Variants in DCPH1 observed in about 807,000 individuals in gnomAD.
The protein encoded by DCPH1 is damage control phosphatase 1.
At chr6:151,458,715 T>C in the DCPH1 span, 2 of 626,002 alleles carry the variant, frequency 3.2e-6, no homozygotes, top group Non-Finnish European at 5.4e-6. Flanking sequence ...TGTTGGACAT[T>C]TCTACAAATG....
At chr6:151,463,892 C>G in the DCPH1 span, among the ~76,000 whole-genome samples, 4 of 152,108 alleles carry the variant, frequency 2.6e-5, no homozygotes, top group Admixed American at 2.0e-4. Flanking sequence ...CATATATCAC[C>G]TTTGGTTAAA....
chr6:151,458,348 G>A, the DCPH1 span: 1 of 1,611,964 alleles, frequency 6.2e-7, no homozygotes, highest in African/African-American at 1.3e-5. Context: ...AAGCTGAAAA[G>A]AAAGCTATCT....
At chr6:151,459,182 A>G in the DCPH1 span, among the ~76,000 whole-genome samples, 1 of 152,208 alleles carries the variant, frequency 6.6e-6, no homozygotes, top group Non-Finnish European at 1.5e-5. Flanking sequence ...GATTCCAACA[A>G]AGACTTCTAG....
the DCPH1 span, among the ~76,000 whole-genome samples, chr6:151,462,549 T>G: frequency 6.6e-6 from 1 of 152,278 alleles, no homozygotes; most frequent in African/African-American, 2.4e-5. Flanking sequence ...TTGCATTTTA[T>G]GAGCATATTA....
At chr6:151,463,276 GA>G in the DCPH1 span, among the ~76,000 whole-genome samples, 1 of 152,022 alleles carries the variant, frequency 6.6e-6, no homozygotes, top group African/African-American at 2.4e-5. Context: ...GAATTATTTG[GA>G]ACTTCTTTCA....
the DCPH1 span, among the ~76,000 whole-genome samples, chr6:151,453,340 G>A: frequency 2.0e-5 from 3 of 152,164 alleles, no homozygotes; most frequent in Non-Finnish European, 4.4e-5. Flanking sequence ...TAGGAAAACA[G>A]TAATACTTTC....
chr6:151,459,845 T>C, the DCPH1 span, among the ~76,000 whole-genome samples: 1 of 152,146 alleles, frequency 6.6e-6, no homozygotes, highest in Admixed American at 6.5e-5. Flanking sequence ...TTAATGGGGA[T>C]GATTGGATTA....
At chr6:151,457,809 GTCATTTTC>G in the DCPH1 span, among the ~76,000 whole-genome samples, 1 of 151,700 alleles carries the variant, frequency 6.6e-6, no homozygotes, top group Non-Finnish European at 1.5e-5. Flanking sequence ...AAGGTGTGAA[GTCATTTTC>G]ACTTCATTCT....
the DCPH1 span, among the ~76,000 whole-genome samples, chr6:151,459,751 C>G: frequency 6.6e-6 from 1 of 152,148 alleles, no homozygotes; most frequent in Admixed American, 6.5e-5. Context: ...GATTACACCA[C>G]CGCACTCCAG....
chr6:151,452,711 CT>C, the DCPH1 span: 3 of 992,696 alleles, frequency 3.0e-6, no homozygotes, highest in Non-Finnish European at 1.5e-6. Flanking sequence ...CCGGGCGCGG[CT>C]TTCCGGGGCG....
chr6:151,467,249 CA>C, the DCPH1 span, among the ~76,000 whole-genome samples: 15,424 of 120,998 alleles, frequency 0.13, 767 homozygotes, highest in Middle Eastern at 0.21. Flanking sequence ...GACTCTATCT[CA>C]AAAAAAAAAA....
At chr6:151,452,564 T>C in the DCPH1 span, 3 of 1,611,622 alleles carry the variant, frequency 1.9e-6, no homozygotes, top group Middle Eastern at 1.7e-4. Context: ...CGTCCCGGCG[T>C]CTCTCTCAGG....
the DCPH1 span, among the ~76,000 whole-genome samples, chr6:151,457,495 C>T: frequency 6.6e-6 from 1 of 152,124 alleles, no homozygotes; most frequent in East Asian, 1.9e-4. Flanking sequence ...GGGGGAGTTC[C>T]TCTCAAAACA....
the DCPH1 span, among the ~76,000 whole-genome samples, chr6:151,462,690 C>T: frequency 1.3e-5 from 2 of 151,958 alleles, no homozygotes; most frequent in African/African-American, 4.8e-5. Context: ...TGGATATATC[C>T]CTCCCTAGAA....
At chr6:151,458,260 T>A in the DCPH1 span, 2 of 1,520,884 alleles carry the variant, frequency 1.3e-6, no homozygotes, top group Non-Finnish European at 1.8e-6. Context: ...TCTGTAAAAA[T>A]ATGTTACCCT....
chr6:151,468,934 C>G, the DCPH1 span: 2 of 1,614,066 alleles, frequency 1.2e-6, no homozygotes, highest in Non-Finnish European at 1.7e-6. Flanking sequence ...GTTTTCTGTT[C>G]CATTTCATCA....
chr6:151,468,699 A>G, the DCPH1 span: 2 of 1,614,150 alleles, frequency 1.2e-6, no homozygotes, highest in Non-Finnish European at 8.5e-7. Flanking sequence ...AACAGGTAAA[A>G]CACAGTAATC....
At chr6:151,463,964 G>A in the DCPH1 span, among the ~76,000 whole-genome samples, 1 of 152,046 alleles carries the variant, frequency 6.6e-6, no homozygotes, top group African/African-American at 2.4e-5. Context: ...ACTTACAATA[G>A]TATTGTCTGA....
chr6:151,463,411 A>T, the DCPH1 span, among the ~76,000 whole-genome samples: 2 of 152,230 alleles, frequency 1.3e-5, no homozygotes, highest in Non-Finnish European at 2.9e-5. Context: ...ACTCCGAGTG[A>T]CTTTTGGCTG....
Sources: gnomAD v4.1 joint callset for allele counts (sites outside exome capture counted in the v4.1 genomes callset) on GRCh38, gnomAD v4.1.1 for gene constraint, MANE v1.5 for transcripts, NCBI Gene and HGNC (gene_info 2026-07-23, HGNC 2026-07-21) for gene names.